SEMA6D: variants seen among roughly 807,000 people sequenced by gnomAD.
The protein encoded by SEMA6D is semaphorin-6D.
A neutral mutation model predicts 106.6 loss-of-function variants in SEMA6D; 35 were observed. That is an observed-to-expected ratio of 0.33 (90% CI 0.25 to 0.44). The LOEUF (loss-of-function observed/expected upper bound fraction) is 0.44, where lower values mean the gene tolerates loss of function less well. SEMA6D is among the 20% of genes least tolerant of loss of function. The pLI is 1.00. For missense variants in SEMA6D, 1,185 were observed against 1,345.9 expected, an observed-to-expected ratio of 0.88 and a Z score of 1.87; for synonymous variants, 499 against 487.7, an observed-to-expected ratio of 1.02 and a Z score of -0.31.
At chr15:47,685,235 A>G (rs2078443928) in intron 4 of SEMA6D, among the ~76,000 whole-genome samples, 1 of 152,196 alleles carries the variant, frequency 6.6e-6, no homozygotes, top group Non-Finnish European at 1.5e-5. Flanking sequence ...ACTTTTGTGC[A>G]ATACCATCCA....
chr15:47,233,888 C>G (rs181565071), intron 1 of SEMA6D, among the ~76,000 whole-genome samples: 53 of 152,034 alleles, frequency 3.5e-4, no homozygotes, highest in Admixed American at 7.9e-4. Flanking sequence ...TCTTCTTTTT[C>G]AAACTGCATG....
At chr15:47,462,422 G>T (rs568446975) in intron 2 of SEMA6D, among the ~76,000 whole-genome samples, 1 of 152,182 alleles carries the variant, frequency 6.6e-6, no homozygotes, top group African/African-American at 2.4e-5. Context: ...TATCCCAAAT[G>T]ACCCATCTCG....
At chr15:47,595,227 T>C (rs1232896051) in intron 3 of SEMA6D, among the ~76,000 whole-genome samples, 2 of 152,226 alleles carry the variant, frequency 1.3e-5, no homozygotes, top group Non-Finnish European at 2.9e-5. Flanking sequence ...ATGGCCTTTA[T>C]TGTATTGAGG....
intron 1 of SEMA6D, among the ~76,000 whole-genome samples, chr15:47,331,755 G>T (rs1214090542): frequency 2.6e-5 from 4 of 151,978 alleles, no homozygotes; most frequent in Admixed American, 2.6e-4. Context: ...AAGACTGAGG[G>T]GTAAATATAA....
intron 2 of SEMA6D, among the ~76,000 whole-genome samples, chr15:47,440,391 A>G (rs929793888): frequency 1.3e-5 from 2 of 152,028 alleles, no homozygotes; most frequent in Non-Finnish European, 2.9e-5. Flanking sequence ...TTAACTAGTT[A>G]TTGGCAAGAA....
At chr15:47,460,156 A>C (rs2042461531) in intron 2 of SEMA6D, among the ~76,000 whole-genome samples, 1 of 152,084 alleles carries the variant, frequency 6.6e-6, no homozygotes, top group Admixed American at 6.5e-5. Flanking sequence ...ACACTCAGCT[A>C]TGGCGAGGAA....
chr15:47,336,616 T>A (rs1396422288), intron 1 of SEMA6D, among the ~76,000 whole-genome samples: 1 of 152,112 alleles, frequency 6.6e-6, no homozygotes, highest in Non-Finnish European at 1.5e-5. Flanking sequence ...AGCAGAGAAA[T>A]GCTCTAATAG....
intron 4 of SEMA6D, among the ~76,000 whole-genome samples, chr15:47,632,967 C>T (rs1258507762): frequency 6.6e-6 from 1 of 151,938 alleles, no homozygotes; most frequent in East Asian, 1.9e-4. Context: ...ACATATATAA[C>T]TTATCATAGT....
intron 2 of SEMA6D, among the ~76,000 whole-genome samples, chr15:47,426,354 A>C (rs1469253397): frequency 6.6e-6 from 1 of 152,054 alleles, no homozygotes; most frequent in African/African-American, 2.4e-5. Flanking sequence ...ATTGTTGTCT[A>C]ATGGGTCCTC....
intron 4 of SEMA6D, among the ~76,000 whole-genome samples, chr15:47,601,660 A>G (rs1268060747): frequency 1.3e-5 from 2 of 152,198 alleles, no homozygotes; most frequent in Non-Finnish European, 1.5e-5. Context: ...CTCCTAAACT[A>G]CATGTGTTTG....
chr15:47,364,806 C>T (rs899775002), intron 1 of SEMA6D, among the ~76,000 whole-genome samples: 1 of 151,900 alleles, frequency 6.6e-6, no homozygotes, highest in Non-Finnish European at 1.5e-5. Flanking sequence ...CAAATGATTC[C>T]AGCCATCTCA....
intron 15 of SEMA6D, 139 bp downstream of exon 15, chr15:47,766,321 G>A (rs1330160670): frequency 5.4e-6 from 4 of 739,172 alleles, no homozygotes; most frequent in Non-Finnish European, 8.8e-6. Flanking sequence ...CGAAAACCAG[G>A]AGACGTGACA....
intron 1 of SEMA6D, among the ~76,000 whole-genome samples, chr15:47,302,410 A>C (rs1442052941): frequency 1.3e-5 from 2 of 152,258 alleles, no homozygotes; most frequent in African/African-American, 4.8e-5. Flanking sequence ...AGCAAAAAAC[A>C]AGAGAAAAGC....
At chr15:47,640,347 T>C (rs894306492) in intron 4 of SEMA6D, among the ~76,000 whole-genome samples, 2 of 152,186 alleles carry the variant, frequency 1.3e-5, no homozygotes, top group African/African-American at 4.8e-5. Context: ...AAGAATTGGC[T>C]TGTCTTAAGA....
intron 1 of SEMA6D, among the ~76,000 whole-genome samples, chr15:47,401,326 C>G (rs979445178): frequency 9.9e-5 from 15 of 152,134 alleles, no homozygotes; most frequent in Non-Finnish European, 2.2e-4. Flanking sequence ...GTGCCATGCA[C>G]TATGACAAGC....
chr15:47,189,306 T>C (rs1893795465), intron 1 of SEMA6D, among the ~76,000 whole-genome samples: 1 of 152,212 alleles, frequency 6.6e-6, no homozygotes, highest in African/African-American at 2.4e-5. Context: ...TTGAAATTTC[T>C]ATGTAAATAC....
At chr15:47,700,891 G>C (rs367880046) in intron 4 of SEMA6D, among the ~76,000 whole-genome samples, 1 of 152,118 alleles carries the variant, frequency 6.6e-6, no homozygotes, top group African/African-American at 2.4e-5. Flanking sequence ...AAATTTTACT[G>C]TAACAACTGG....
chr15:47,186,059 G>A (rs1893548464), intron 1 of SEMA6D, among the ~76,000 whole-genome samples: 1 of 151,932 alleles, frequency 6.6e-6, no homozygotes, highest in Non-Finnish European at 1.5e-5. Flanking sequence ...GTGTATATAT[G>A]TATGTATGTG....
At position 47,192,013 on chromosome 15, in the gene SEMA6D, T is replaced by A. The variant is rs141653117; in HGVS notation, c.-239+7595T>A. On this transcript the variant is annotated intron_variant, in intron 1 of 19. Coordinates refer to the SEMA6D transcript ENST00000558014. The stretch of plus-strand genomic sequence containing the variant: ...GAATCCAACGTTCTTATACTTTGCC[T>A]ACATCCATGAAGCTGAACATATCTA... Among the ~76,000 whole-genome samples, 11 of 152,336 alleles carry A rather than the reference T, an allele frequency of 7.2e-5. No individual in the cohort carries two copies. The East Asian group carries it at 2.1e-3, about 29-fold the overall frequency.
Sources: allele counts gnomAD v4.1 joint callset (sites outside exome capture counted in the v4.1 genomes callset), GRCh38; gene constraint gnomAD v4.1.1; transcripts MANE v1.5; gene names NCBI Gene and HGNC (gene_info 2026-07-23, HGNC 2026-07-21).